The following ABCG2 variants were observed in gnomAD, a reference collection of about 807,000 sequenced individuals.
ABCG2 encodes broad substrate specificity ATP-binding cassette transporter ABCG2.
ABCG2 carries 80 observed loss-of-function variants against 73.5 expected under a neutral mutation model. That is an observed-to-expected ratio of 1.09 (90% CI 0.91 to 1.31). ABCG2 has a LOEUF of 1.31. Among genes scored for constraint, ABCG2 ranks in the 50% most tolerant of loss-of-function variants. The pLI, the probability that ABCG2 is intolerant of heterozygous loss-of-function variation, is 0.00. For synonymous variants in ABCG2, 269 were observed against 282.4 expected (o/e 0.95, Z 0.48); for missense variants, 796 against 786.2 (o/e 1.01, Z -0.15).
intron 1 of ABCG2, among the ~76,000 whole-genome samples, chr4:88,153,078 T>G (rs1726640230): frequency 1.3e-5 from 2 of 152,008 alleles, no homozygotes; most frequent in African/African-American, 4.8e-5. Flanking sequence ...GACATCCAAT[T>G]AGAGAGTGCC....
chr4:88,138,805 G>T (rs1030505184), intron 2 of ABCG2, among the ~76,000 whole-genome samples: 3 of 152,120 alleles, frequency 2.0e-5, no homozygotes, highest in Non-Finnish European at 4.4e-5. Context: ...TTCTATTCAT[G>T]CAGTAAAGAT....
chr4:88,120,460 G>A (rs1481802918), intron 6 of ABCG2, among the ~76,000 whole-genome samples: 1 of 152,188 alleles, frequency 6.6e-6, no homozygotes, highest in Admixed American at 6.5e-5. Context: ...AAAAGGGGCT[G>A]TGCCCTGCAA....
chr4:88,148,802 A>C (rs983770770), intron 1 of ABCG2, among the ~76,000 whole-genome samples: 4 of 152,194 alleles, frequency 2.6e-5, no homozygotes, highest in Admixed American at 2.6e-4. Flanking sequence ...GTTTTCTGAC[A>C]TTGTAAAGTG....
At chr4:88,185,994 G>A (rs115016975) in intron 1 of ABCG2, among the ~76,000 whole-genome samples, 73 of 152,158 alleles carry the variant, frequency 4.8e-4, no homozygotes, top group African/African-American at 1.7e-3. Context: ...TAAGTACCAG[G>A]AATCCCACTG....
intron 1 of ABCG2, among the ~76,000 whole-genome samples, chr4:88,177,450 A>C (rs542604350): frequency 6.6e-6 from 1 of 152,362 alleles, no homozygotes; most frequent in African/African-American, 2.4e-5. Flanking sequence ...ACATAATTGA[A>C]ATATTATAAA....
chr4:88,213,982 C>CTTTTTTTTTTT (rs33984842), intron 1 of ABCG2, among the ~76,000 whole-genome samples: 2 of 59,622 alleles, frequency 3.4e-5, no homozygotes, highest in Non-Finnish European at 6.0e-5. Context: ...CACGCCCGGC[C>CTTTTTTTTTTT]TTTTTTTTTT....
intron 5 of ABCG2, among the ~76,000 whole-genome samples, chr4:88,122,062 T>TG (rs1022635912): frequency 1.3e-5 from 2 of 150,908 alleles, no homozygotes; most frequent in Non-Finnish European, 3.0e-5. Flanking sequence ...GCACAAGGGG[T>TG]GGGGGAAGTC....
chr4:88,168,521 T>G (rs770754108), intron 1 of ABCG2, among the ~76,000 whole-genome samples: 153 of 151,876 alleles, frequency 1.0e-3, no homozygotes, highest in Non-Finnish European at 1.8e-3. Context: ...ATAAAGTTTA[T>G]TTGGTTATAA....
At chr4:88,209,391 C>T (rs1219909911) in intron 1 of ABCG2, among the ~76,000 whole-genome samples, 3 of 151,514 alleles carry the variant, frequency 2.0e-5, no homozygotes, top group South Asian at 2.1e-4. Flanking sequence ...AGACCGGATG[C>T]GGTGGCTCAC....
chr4:88,101,885 G>A (rs1358437298), intron 10 of ABCG2, among the ~76,000 whole-genome samples: 3 of 152,210 alleles, frequency 2.0e-5, no homozygotes, highest in African/African-American at 7.2e-5. Context: ...TGGTATTTTG[G>A]TATGGCAGCC....
At chr4:88,114,154 T>C (rs997887638) in intron 8 of ABCG2, among the ~76,000 whole-genome samples, 1 of 151,244 alleles carries the variant, frequency 6.6e-6, no homozygotes, top group Non-Finnish European at 1.5e-5. Flanking sequence ...ATAAATAAAG[T>C]AAGTAATAAA....
intron 1 of ABCG2, among the ~76,000 whole-genome samples, chr4:88,220,114 T>C (rs911518279): frequency 1.3e-5 from 2 of 152,226 alleles, no homozygotes; most frequent in Non-Finnish European, 2.9e-5. Context: ...TCTCTTAGCA[T>C]AATGTCTTCA....
At chr4:88,199,475 A>G (rs1578272809) in intron 1 of ABCG2, among the ~76,000 whole-genome samples, 2 of 152,176 alleles carry the variant, frequency 1.3e-5, no homozygotes, top group South Asian at 2.1e-4. Flanking sequence ...ATTCTTAACT[A>G]TAGAGAAACA....
intron 1 of ABCG2, among the ~76,000 whole-genome samples, chr4:88,179,721 C>G (rs534598381): frequency 7.9e-5 from 12 of 152,146 alleles, no homozygotes; most frequent in African/African-American, 2.4e-4. Context: ...AAAAATGTAA[C>G]AAAACAATTG....
At chr4:88,205,556 T>C (rs904848901) in intron 1 of ABCG2, among the ~76,000 whole-genome samples, 4 of 152,248 alleles carry the variant, frequency 2.6e-5, no homozygotes, top group African/African-American at 7.2e-5. Context: ...AAAGTTACTC[T>C]TATCCTTTGC....
At chr4:88,125,265 C>T (rs1175811964) in intron 5 of ABCG2, among the ~76,000 whole-genome samples, 1 of 150,364 alleles carries the variant, frequency 6.7e-6, no homozygotes, top group African/African-American at 2.5e-5. Context: ...GCATTCAAGC[C>T]TGGGCAACAG....
rs1436927660 is a variant in ABCG2 at position 88,146,969 on chromosome 4, GAGAA to G, written c.-19-6959_-19-6956del. Among the ~76,000 whole-genome samples, 8 of 105,200 alleles carry G rather than the reference GAGAA, an allele frequency of 7.6e-5. 1 individual carries two copies. The highest frequency in any genetic ancestry group is 0.012 in the Middle Eastern group (2 of 162). The allele number at this position is 105,200 out of a possible 152,430, so 69.0% of individuals were successfully genotyped here. On this transcript the variant is annotated intron_variant, in intron 1 of 15. Coordinates refer to ENST00000237612, the MANE Select transcript of ABCG2 (RefSeq NM_004827.3). ...AGGAAGGGAGGGAGGGAGGGAACAG[GAGAA>G]AGAAAGGAAGGAAAAAGAAAGAAAG...
At chr4:88,146,343 G>A (rs1485321235) in intron 1 of ABCG2, among the ~76,000 whole-genome samples, 1 of 150,282 alleles carries the variant, frequency 6.7e-6, no homozygotes, top group Non-Finnish European at 1.5e-5. Flanking sequence ...TAAGTAAGGT[G>A]GGAGTTTCAT....
At chr4:88,200,693 T>C (rs981164950) in intron 1 of ABCG2, among the ~76,000 whole-genome samples, 2 of 152,018 alleles carry the variant, frequency 1.3e-5, no homozygotes, top group Non-Finnish European at 2.9e-5. Context: ...TTTGTGTTTT[T>C]AGTAGAGACA....
Sources: allele counts gnomAD v4.1 joint callset (sites outside exome capture counted in the v4.1 genomes callset), GRCh38; gene constraint gnomAD v4.1.1; transcripts MANE v1.5; gene names NCBI Gene and HGNC (gene_info 2026-07-23, HGNC 2026-07-21).